IRF2: variants seen among roughly 807,000 people sequenced by gnomAD.
The protein encoded by IRF2 is interferon regulatory factor 2.
In IRF2, 15 loss-of-function variants were observed where a neutral mutation model predicts 40.6. The observed-to-expected ratio is 0.37, with a 90% CI of 0.25 to 0.57. The LOEUF (loss-of-function observed/expected upper bound fraction) is 0.57, where lower values mean the gene tolerates loss of function less well. Among genes scored for constraint, IRF2 ranks in the 20% least tolerant of loss-of-function variants. The pLI, the probability that IRF2 is intolerant of heterozygous loss-of-function variation, is 0.77. For synonymous variants in IRF2, 151 were observed against 165.5 expected (o/e 0.91, Z 0.67); for missense variants, 317 against 455.7 (o/e 0.70, Z 2.77).
chr4:184,466,314 G>A (rs1244286227), intron 1 of IRF2, among the ~76,000 whole-genome samples: 2 of 152,126 alleles, frequency 1.3e-5, no homozygotes, highest in South Asian at 2.1e-4. Flanking sequence ...GCCTCCCAAA[G>A]TGCTGGGATT....
intron 1 of IRF2, chr4:184,472,496 C>T (rs1739546714): frequency 1.3e-5 from 2 of 152,072 alleles, no homozygotes; most frequent in South Asian, 4.2e-4. Flanking sequence ...AAATCCACAA[C>T]AGGAAATCTA....
Position 184,398,985 on chromosome 4 carries a change from C to G in IRF2, c.624G>C (p.Glu208Asp), listed in dbSNP as rs777730413. 5.0e-6 allele frequency: 8 copies of G among 1,613,618 alleles called. No homozygotes were observed. Among genetic ancestry groups the G allele is most frequent in the Non-Finnish European group, 6.8e-6 (8 of 1,179,898 alleles). ...TCATGCTGACCGGCTGCTCGTCGCT[C>G]TCAGTGGTCACCTCTACAACTTGGC... ...DICQVVEVTT[E>D]SDEQPVSMSE... The change falls in exon 7 of 9, where the codon GAG becomes GAC. Residue 208 changes from glutamate (E) to aspartate (D), a missense_variant. By Grantham distance (45) the Glu-to-Asp change is conservative. Around this residue, in one of 2 missense-constraint regions of IRF2, gnomAD observed 262 missense variants for 334.0 expected, o/e 0.78. Coordinates refer to ENST00000393593, the MANE Select transcript of IRF2 (RefSeq NM_002199.4).
chr4:184,390,572 CCA>C, intron 8 of IRF2, 129 bp downstream of exon 8: 2 of 854,016 alleles, frequency 2.3e-6, no homozygotes, highest in South Asian at 3.1e-5. Context: ...GCATATTTCA[CCA>C]CACAAGAAAA....
chr4:184,408,406 C>T lies in IRF2; in HGVS notation c.412-131G>A, dbSNP rs1736942053. ...ATGTTCAGCTGCCGAATACATTCAT[C>T]CCCTGCTTCTTTAAACTGGCCTGTT... On this transcript the variant is annotated intron_variant, in intron 5 of 8. Transcript: ENST00000393593. This position sits in a 1 kb window ranked among gnomAD's most constrained non-coding sequence, Gnocchi z 4.9. 1 of 682,810 alleles carries T rather than the reference C, an allele frequency of 1.5e-6. No homozygotes were observed. The highest frequency in any genetic ancestry group is 2.6e-6 in the Non-Finnish European group (1 of 383,156). The allele number at this position is 682,810 out of a possible 1,614,324, so 42.3% of individuals were successfully genotyped here. A position where few individuals can be genotyped will look rare whatever the true frequency, so the allele number is the denominator to read the frequency against.
At chr4:184,459,696 C>G (rs898146252) in intron 1 of IRF2, among the ~76,000 whole-genome samples, 2 of 152,112 alleles carry the variant, frequency 1.3e-5, no homozygotes, top group African/African-American at 2.4e-5. Context: ...TGAAGAAAGC[C>G]CTTGAATAGA....
Position 184,408,254 on chromosome 4 carries a change from G to C in IRF2, c.433C>G (p.Leu145Val). ...HIKQEPVESS[L>V]GLSNGVSDLS... is the part of the protein sequence containing the mutation. Reference sequence around the variant, plus strand: ...TCACTTACTCCATTACTAAGCCCCAGAGATGACTCAACTGGTTCTTGCTAG... The same window carrying C: ...TCACTTACTCCATTACTAAGCCCCACAGATGACTCAACTGGTTCTTGCTAG... Residue 145 changes from leucine to valine, a missense_variant, in exon 6 of 9, where the codon CTG (leucine) becomes GTG (valine). Leu to Val is a conservative substitution (Grantham distance 32). Coordinates refer to ENST00000393593, the MANE Select transcript of IRF2 (RefSeq NM_002199.4). This position sits in a 1 kb window ranked among gnomAD's most constrained non-coding sequence, Gnocchi z 4.9. The C allele has an allele frequency of 6.2e-7, 1 of 1,610,824 alleles. No individual in the cohort carries two copies. Among genetic ancestry groups the C allele is most frequent in the South Asian group, 1.1e-5 (1 of 91,012 alleles).
At chr4:184,473,177 G>A (rs1187510837) in intron 1 of IRF2, among the ~76,000 whole-genome samples, 3 of 151,594 alleles carry the variant, frequency 2.0e-5, no homozygotes. Flanking sequence ...ACCATGTTCG[G>A]CCAGCGGGCG....
At chr4:184,431,737 G>C (rs553430906) in intron 1 of IRF2, among the ~76,000 whole-genome samples, 1 of 152,152 alleles carries the variant, frequency 6.6e-6, no homozygotes, top group South Asian at 2.1e-4. Flanking sequence ...GGTCCCTGGC[G>C]CTGCAGCTGA....
intron 6 of IRF2, among the ~76,000 whole-genome samples, chr4:184,402,283 C>A (rs1029335743): frequency 6.6e-6 from 1 of 152,098 alleles, no homozygotes; most frequent in Non-Finnish European, 1.5e-5. Context: ...GGTAGTGGCA[C>A]AGGAGTGGGG....
At chr4:184,459,916 CA>C (rs1739074011) in intron 1 of IRF2, among the ~76,000 whole-genome samples, 3 of 152,130 alleles carry the variant, frequency 2.0e-5, no homozygotes, top group African/African-American at 7.2e-5. Flanking sequence ...GATGGGGATG[CA>C]AAATGGTACA....
chr4:184,459,861 A>G (rs970321885), intron 1 of IRF2, among the ~76,000 whole-genome samples: 2 of 152,164 alleles, frequency 1.3e-5, no homozygotes, highest in African/African-American at 4.8e-5. Context: ...ATAATAACAA[A>G]TGTTGGTAAA....
Position 184,408,624 on chromosome 4 carries a change from C to T in IRF2, c.412-349G>A, listed in dbSNP as rs1365512776. Among the ~76,000 whole-genome samples, 2 of 152,250 alleles carry T rather than the reference C, an allele frequency of 1.3e-5. No homozygotes were observed. The highest frequency in any genetic ancestry group is 4.8e-5 in the African/African-American group (2 of 41,462). ...CACTGCGTGGATTCTACACTCTCCTCCTCTGAGGGGGTGCTCAAAAGAATC... is the reference window on the plus strand; with the variant it reads ...CACTGCGTGGATTCTACACTCTCCTTCTCTGAGGGGGTGCTCAAAAGAATC... On this transcript the variant is annotated intron_variant, in intron 5 of 8. Transcript: ENST00000393593. The surrounding 1 kb of genome is among the most constrained non-coding windows in gnomAD (Gnocchi z 4.9).
intron 1 of IRF2, among the ~76,000 whole-genome samples, chr4:184,456,680 A>G (rs1007762940): frequency 3.5e-4 from 54 of 152,218 alleles, no homozygotes; most frequent in African/African-American, 1.2e-3. Context: ...AGGGGCACCA[A>G]TGTCCTGCAG....
At chr4:184,439,674 A>G (rs1738227180) in intron 1 of IRF2, among the ~76,000 whole-genome samples, 1 of 152,206 alleles carries the variant, frequency 6.6e-6, no homozygotes, top group African/African-American at 2.4e-5. Flanking sequence ...CATATTTGCC[A>G]TTCTATGCAC....
chr4:184,435,423 C>T (rs1738040068), intron 1 of IRF2, among the ~76,000 whole-genome samples: 1 of 152,174 alleles, frequency 6.6e-6, no homozygotes, highest in Admixed American at 6.5e-5. Context: ...AATTCCTTAG[C>T]TGAGAGGGGG....
At chr4:184,440,763 G>A (rs111231902) in intron 1 of IRF2, among the ~76,000 whole-genome samples, 1 of 152,120 alleles carries the variant, frequency 6.6e-6, no homozygotes, top group Non-Finnish European at 1.5e-5. Flanking sequence ...TGTCTACCTC[G>A]CCTCCCTCTT....
At chr4:184,399,482 G>A (rs62337745) in intron 6 of IRF2, among the ~76,000 whole-genome samples, 21,101 of 152,244 alleles carry the variant, frequency 0.14, 2,025 homozygotes, top group Non-Finnish European at 0.21. Flanking sequence ...CCAAAAGAAG[G>A]CGCTGTGCTT....
rs888880187 is a variant in IRF2 at position 184,448,911 on chromosome 4, C to T, written c.-6-19841G>A. On this transcript the variant is annotated intron_variant, in intron 1 of 8. Transcript: ENST00000393593. This position sits in a 1 kb window ranked among gnomAD's most constrained non-coding sequence, Gnocchi z 4.3. ...TTTGCTTTTTGTTTCTTGTTTACAA[C>T]GTTTCCTCGACGTGTGCAAGACGGA... The T allele has an allele frequency of 4.6e-5, 7 of 152,206 alleles. No individual in the cohort carries two copies. Among genetic ancestry groups the T allele is most frequent in the African/African-American group, 1.7e-4 (7 of 41,440 alleles). 9.4% of individuals were successfully genotyped at this position (152,206 alleles called of 1,614,324 possible).
intron 2 of IRF2, among the ~76,000 whole-genome samples, chr4:184,422,637 C>T (rs569934698): frequency 2.6e-5 from 4 of 152,156 alleles, no homozygotes; most frequent in Non-Finnish European, 5.9e-5. Context: ...ACCATGTGGA[C>T]GAACCTTGAA....
Sources: allele counts gnomAD v4.1 joint callset (sites outside exome capture counted in the v4.1 genomes callset), GRCh38; gene constraint gnomAD v4.1.1; regional missense constraint gnomAD v4.1.1; non-coding constraint Gnocchi (gnomAD v3.1); transcripts MANE v1.5; gene names NCBI Gene and HGNC (gene_info 2026-07-23, HGNC 2026-07-21).